Variants in GALNTL6 observed in about 807,000 individuals in gnomAD.
The protein encoded by GALNTL6 is polypeptide N-acetylgalactosaminyltransferase-like 6.
GALNTL6 carries 46 observed loss-of-function variants against 73.7 expected under a neutral mutation model. The ratio of observed to expected loss-of-function variants is 0.62; its 90% CI spans 0.49 to 0.80. The LOEUF is 0.80. Ranked by LOEUF, GALNTL6 falls within the 30% of genes least tolerant of loss-of-function variation. The pLI, the probability that GALNTL6 is intolerant of heterozygous loss-of-function variation, is 0.00. For synonymous variants in GALNTL6, 259 were observed against 263.7 expected (o/e 0.98, Z 0.17); for missense variants, 604 against 755.0 (o/e 0.80, Z 2.34).
intron 2 of GALNTL6, among the ~76,000 whole-genome samples, chr4:171,903,356 T>C (rs931896902): frequency 1.3e-5 from 2 of 152,044 alleles, no homozygotes; most frequent in Non-Finnish European, 2.9e-5. Flanking sequence ...AGGGAGTTCC[T>C]TTTCCTAGTC....
intron 2 of GALNTL6, among the ~76,000 whole-genome samples, chr4:171,943,451 G>A (rs1229488983): frequency 6.6e-6 from 1 of 152,040 alleles, no homozygotes; most frequent in Non-Finnish European, 1.5e-5. Flanking sequence ...TCTTAATACA[G>A]CAAAATTTAG....
chr4:172,279,750 G>A (rs774855094), intron 3 of GALNTL6, among the ~76,000 whole-genome samples: 24 of 152,178 alleles, frequency 1.6e-4, no homozygotes, highest in Non-Finnish European at 3.2e-4. Flanking sequence ...ATTGAAAGCA[G>A]GGTCTTGAAA....
intron 2 of GALNTL6, among the ~76,000 whole-genome samples, chr4:172,081,633 T>G (rs1731882877): frequency 6.6e-6 from 1 of 152,124 alleles, no homozygotes; most frequent in African/African-American, 2.4e-5. Context: ...CAAGACTCCG[T>G]TTCAAAAATA....
chr4:171,889,685 G>T (rs1736706689), intron 2 of GALNTL6, among the ~76,000 whole-genome samples: 2 of 152,028 alleles, frequency 1.3e-5, no homozygotes, highest in African/African-American at 4.8e-5. Flanking sequence ...GAGAAAAAAT[G>T]AGTCGCAATG....
intron 2 of GALNTL6, among the ~76,000 whole-genome samples, chr4:172,154,413 G>A (rs536263901): frequency 6.6e-6 from 1 of 152,114 alleles, no homozygotes; most frequent in South Asian, 2.1e-4. Flanking sequence ...TGTATTTGTA[G>A]TAGAGACGGG....
intron 5 of GALNTL6, among the ~76,000 whole-genome samples, chr4:172,409,201 G>A (rs1448164249): frequency 1.3e-5 from 2 of 151,974 alleles, no homozygotes; most frequent in Non-Finnish European, 2.9e-5. Flanking sequence ...GACTAAATTA[G>A]TGTTTAAAGC....
At chr4:172,851,445 A>G (rs1346739868) in intron 7 of GALNTL6, among the ~76,000 whole-genome samples, 3 of 151,206 alleles carry the variant, frequency 2.0e-5, no homozygotes, top group African/African-American at 7.2e-5. Context: ...TATATCACAC[A>G]TATATATCAC....
At chr4:172,659,854 A>G (rs1174715934) in intron 5 of GALNTL6, among the ~76,000 whole-genome samples, 1 of 152,100 alleles carries the variant, frequency 6.6e-6, no homozygotes, top group East Asian at 1.9e-4. Context: ...AGCAGCTTCA[A>G]CTCTTCCCCA....
chr4:172,617,403 C>CA (rs34182269), intron 5 of GALNTL6, among the ~76,000 whole-genome samples: 5,546 of 116,842 alleles, frequency 0.047, 132 homozygotes, highest in Non-Finnish European at 0.072. Flanking sequence ...GAAAGACACT[C>CA]AAAAAAAAAA....
intron 11 of GALNTL6, among the ~76,000 whole-genome samples, chr4:173,016,323 G>C (rs550650984): frequency 1.6e-4 from 24 of 152,304 alleles, no homozygotes; most frequent in African/African-American, 4.8e-4. Context: ...CAGTATGGTA[G>C]ACCCACTGAC....
chr4:171,839,334 T>C (rs1735183632), intron 2 of GALNTL6, among the ~76,000 whole-genome samples: 2 of 152,214 alleles, frequency 1.3e-5, no homozygotes. Context: ...AAAAAAAATC[T>C]GCCTGACTGG....
chr4:172,998,840 C>T (rs1180000892), intron 10 of GALNTL6, among the ~76,000 whole-genome samples: 1 of 152,126 alleles, frequency 6.6e-6, no homozygotes, highest in Non-Finnish European at 1.5e-5. Context: ...GTTCCCCCCT[C>T]AATCTTCTCA....
At chr4:172,049,738 C>A (rs1213252868) in intron 2 of GALNTL6, among the ~76,000 whole-genome samples, 1 of 152,096 alleles carries the variant, frequency 6.6e-6, no homozygotes, top group East Asian at 1.9e-4. Flanking sequence ...AATCCCAGCA[C>A]TTTGGGAGGC....
At chr4:172,252,897 A>C (rs571703313) in intron 3 of GALNTL6, among the ~76,000 whole-genome samples, 4 of 152,090 alleles carry the variant, frequency 2.6e-5, no homozygotes, top group African/African-American at 9.6e-5. Context: ...AGGAAAAAAA[A>C]ACACTAAATA....
At chr4:172,643,578 C>T (rs1740089601) in intron 5 of GALNTL6, among the ~76,000 whole-genome samples, 1 of 151,894 alleles carries the variant, frequency 6.6e-6, no homozygotes. Context: ...CCACTGACTC[C>T]CCAGCTTCCA....
intron 5 of GALNTL6, among the ~76,000 whole-genome samples, chr4:172,411,534 A>G (rs1744435654): frequency 6.6e-6 from 1 of 152,012 alleles, no homozygotes; most frequent in South Asian, 2.1e-4. Flanking sequence ...GTCTTTTCAC[A>G]TATTACATGG....
At chr4:172,573,036 G>C (rs1736823036) in intron 5 of GALNTL6, among the ~76,000 whole-genome samples, 1 of 152,064 alleles carries the variant, frequency 6.6e-6, no homozygotes, top group South Asian at 2.1e-4. Context: ...TCACTAAATA[G>C]AACAGAGTGC....
chr4:172,251,793 C>T (rs764967127), intron 3 of GALNTL6, among the ~76,000 whole-genome samples: 1 of 152,110 alleles, frequency 6.6e-6, no homozygotes, highest in Non-Finnish European at 1.5e-5. Flanking sequence ...GACGGGCACT[C>T]AGAAGAGTTT....
chr4:172,902,021 T>G (rs1366484186), intron 8 of GALNTL6, among the ~76,000 whole-genome samples: 1 of 152,180 alleles, frequency 6.6e-6, no homozygotes, highest in Non-Finnish European at 1.5e-5. Context: ...AGAGACAGTA[T>G]TAAGTCAATC....
Sources: gnomAD v4.1 joint callset for allele counts (sites outside exome capture counted in the v4.1 genomes callset) on GRCh38, gnomAD v4.1.1 for gene constraint, MANE v1.5 for transcripts, NCBI Gene and HGNC (gene_info 2026-07-23, HGNC 2026-07-21) for gene names.